The following SH3RF3 variants were observed in gnomAD, a reference collection of about 807,000 sequenced individuals.
SH3RF3 encodes E3 ubiquitin-protein ligase SH3RF3.
In SH3RF3, 29 loss-of-function variants were observed where a neutral mutation model predicts 66.3. The ratio of observed to expected loss-of-function variants is 0.44; its 90% CI spans 0.33 to 0.60. The LOEUF is 0.60. SH3RF3 is among the 20% of genes least tolerant of loss of function. The probability of loss-of-function intolerance (pLI) is 0.04; values close to 1 mark genes in which losing one functional copy is unlikely to be tolerated. For missense variants in SH3RF3, 1,194 were observed against 1,190.9 expected (o/e 1.00, Z -0.04); for synonymous variants, 583 against 532.0 (o/e 1.10, Z -1.32).
intron 8 of SH3RF3, among the ~76,000 whole-genome samples, chr2:109,477,143 G>A (rs1435451070): frequency 1.3e-5 from 2 of 152,124 alleles, no homozygotes; most frequent in African/African-American, 4.8e-5. Context: ...TGGTTCAAAC[G>A]CCTCTGACAA....
At chr2:109,273,452 G>T (rs58938721) in intron 1 of SH3RF3, among the ~76,000 whole-genome samples, 1,968 of 152,336 alleles carry the variant, frequency 0.013, 31 homozygotes, top group African/African-American at 0.045. Flanking sequence ...GCGGGGCTGG[G>T]CGGAGGAGGG....
chr2:109,354,158 C>G (rs929663623), intron 2 of SH3RF3, among the ~76,000 whole-genome samples: 1 of 151,740 alleles, frequency 6.6e-6, no homozygotes, highest in Non-Finnish European at 1.5e-5. Context: ...GAACTATTCC[C>G]TTTTTAATTT....
intron 2 of SH3RF3, among the ~76,000 whole-genome samples, chr2:109,369,576 T>C (rs1184065973): frequency 1.3e-5 from 2 of 151,848 alleles, no homozygotes; most frequent in East Asian, 1.9e-4. Flanking sequence ...AAGCTGGGGG[T>C]TGGGGGAGAG....
intron 9 of SH3RF3, among the ~76,000 whole-genome samples, chr2:109,498,667 G>A (rs1335677278): frequency 6.6e-6 from 1 of 152,214 alleles, no homozygotes; most frequent in African/African-American, 2.4e-5. Flanking sequence ...GTATCAAGTA[G>A]GTCCAGGATG....
chr2:109,383,012 C>G (rs1016051337), intron 3 of SH3RF3, among the ~76,000 whole-genome samples: 1 of 152,240 alleles, frequency 6.6e-6, no homozygotes, highest in Non-Finnish European at 1.5e-5. Flanking sequence ...ACCTGGAGAT[C>G]GGCCTTAGGA....
chr2:109,373,135 C>G (rs1020879625), intron 3 of SH3RF3, among the ~76,000 whole-genome samples: 1 of 152,236 alleles, frequency 6.6e-6, no homozygotes, highest in Admixed American at 6.5e-5. Flanking sequence ...CACACACACT[C>G]TCCTGTAAGA....
At chr2:109,165,580 A>G (rs1323093755) in intron 1 of SH3RF3, among the ~76,000 whole-genome samples, 1 of 152,200 alleles carries the variant, frequency 6.6e-6, no homozygotes, top group East Asian at 1.9e-4. Flanking sequence ...AGCAAAACCC[A>G]GAACATTTTG....
At chr2:109,455,978 A>G (rs112068124) in intron 8 of SH3RF3, among the ~76,000 whole-genome samples, 1,991 of 152,296 alleles carry the variant, frequency 0.013, 53 homozygotes, top group African/African-American at 0.046. Context: ...GGGAACCATC[A>G]TGCAGGTCTT....
intron 1 of SH3RF3, among the ~76,000 whole-genome samples, chr2:109,169,753 TACAC>T (rs56897089): frequency 4.0e-5 from 6 of 149,740 alleles, no homozygotes; most frequent in African/African-American, 7.3e-5. Flanking sequence ...AAAACAACCA[TACAC>T]ACACACACAC....
chr2:109,268,938 T>C (rs1680566033), intron 1 of SH3RF3, among the ~76,000 whole-genome samples: 1 of 152,180 alleles, frequency 6.6e-6, no homozygotes, highest in South Asian at 2.1e-4. Flanking sequence ...TCAGGAAGCA[T>C]CTGTATCTTT....
chr2:109,253,252 G>A (rs1190959767), intron 1 of SH3RF3, among the ~76,000 whole-genome samples: 1 of 152,106 alleles, frequency 6.6e-6, no homozygotes, highest in African/African-American at 2.4e-5. Flanking sequence ...CTCCTGACCT[G>A]AAGTGATCCG....
At chr2:109,331,165 G>A (rs1682273453) in intron 1 of SH3RF3, among the ~76,000 whole-genome samples, 1 of 152,062 alleles carries the variant, frequency 6.6e-6, no homozygotes, top group African/African-American at 2.4e-5. Flanking sequence ...TTTACTTTTG[G>A]ATCTGTTCCC....
intron 1 of SH3RF3, among the ~76,000 whole-genome samples, chr2:109,297,171 C>T (rs1219845742): frequency 1.3e-5 from 2 of 151,932 alleles, no homozygotes; most frequent in Non-Finnish European, 2.9e-5. Context: ...GCAGAGAGAG[C>T]AGGGCCTCTG....
At chr2:109,215,739 A>G (rs907305795) in intron 1 of SH3RF3, among the ~76,000 whole-genome samples, 1 of 152,160 alleles carries the variant, frequency 6.6e-6, no homozygotes, top group Non-Finnish European at 1.5e-5. Context: ...CTGCTAGGAC[A>G]TCTAATGGGG....
intron 4 of SH3RF3, 31 bp from the exon 5 acceptor site, chr2:109,419,508 C>T (rs1275597277): frequency 6.4e-7 from 1 of 1,559,954 alleles, no homozygotes; most frequent in Non-Finnish European, 8.7e-7. Flanking sequence ...TCTCTGTCTC[C>T]TCACTCCTGT....
At chr2:109,189,393 G>C (rs528920969) in intron 1 of SH3RF3, among the ~76,000 whole-genome samples, 58 of 147,680 alleles carry the variant, frequency 3.9e-4, no homozygotes, top group African/African-American at 9.5e-4. Context: ...TTTTTTTTGA[G>C]ACGGAGTCTC....
At chr2:109,228,358 G>A (rs1679422717) in intron 1 of SH3RF3, among the ~76,000 whole-genome samples, 1 of 152,170 alleles carries the variant, frequency 6.6e-6, no homozygotes, top group Admixed American at 6.5e-5. Flanking sequence ...TTTGGGATGT[G>A]TGTTCTATTT....
intron 1 of SH3RF3, among the ~76,000 whole-genome samples, chr2:109,249,588 C>CTTTT (rs1187569893): frequency 1.5e-5 from 2 of 134,586 alleles, no homozygotes; most frequent in African/African-American, 6.1e-5. Flanking sequence ...TCCTTCCTTT[C>CTTTT]CTTTCTTTCT....
At chr2:109,197,574 C>T (rs1425672227) in intron 1 of SH3RF3, among the ~76,000 whole-genome samples, 2 of 152,198 alleles carry the variant, frequency 1.3e-5, no homozygotes, top group African/African-American at 4.8e-5. Flanking sequence ...GGGTGGGAGG[C>T]CCTTTTAGGG....
Sources: gnomAD v4.1 joint callset for allele counts (sites outside exome capture counted in the v4.1 genomes callset) on GRCh38, gnomAD v4.1.1 for gene constraint, MANE v1.5 for transcripts, NCBI Gene and HGNC (gene_info 2026-07-23, HGNC 2026-07-21) for gene names.